Variants in SND1 observed in about 807,000 individuals in gnomAD.
The protein encoded by SND1 is staphylococcal nuclease domain-containing protein 1.
SND1 carries 38 observed loss-of-function variants against 121.7 expected under a neutral mutation model. The ratio of observed to expected loss-of-function variants is 0.31; its 90% CI spans 0.24 to 0.41. The LOEUF (loss-of-function observed/expected upper bound fraction) is 0.41, where lower values mean the gene tolerates loss of function less well. Among genes scored for constraint, SND1 ranks in the 10% least tolerant of loss-of-function variants. The pLI is 1.00. For missense variants in SND1, 868 were observed against 1,184.6 expected (o/e 0.73, Z 3.92); for synonymous variants, 401 against 447.4 (o/e 0.90, Z 1.31).
At chr7:127,668,706 G>A (rs190213382) in intron 1 of SND1, among the ~76,000 whole-genome samples, 2 of 152,276 alleles carry the variant, frequency 1.3e-5, no homozygotes, top group Admixed American at 1.3e-4. Context: ...CTAAGAGCAT[G>A]TACTGCACTC....
chr7:127,858,035 C>G (rs1330726814), intron 12 of SND1: 12 of 1,422,562 alleles, frequency 8.4e-6, no homozygotes, highest in Non-Finnish European at 1.1e-5. Context: ...CACATCACAT[C>G]CACCAGACCA....
chr7:127,961,464 C>T (rs1273902488), intron 15 of SND1, among the ~76,000 whole-genome samples: 1 of 152,140 alleles, frequency 6.6e-6, no homozygotes, highest in South Asian at 2.1e-4. Flanking sequence ...GATAGCACAA[C>T]AAATAAAATT....
intron 12 of SND1, among the ~76,000 whole-genome samples, chr7:127,848,839 A>G (rs1344825672): frequency 2.0e-5 from 3 of 152,156 alleles, no homozygotes; most frequent in Non-Finnish European, 4.4e-5. Flanking sequence ...GGTTTAGTCT[A>G]ATCCTTTTTT....
At chr7:127,683,464 G>A (rs376599186) in intron 1 of SND1, among the ~76,000 whole-genome samples, 2 of 152,134 alleles carry the variant, frequency 1.3e-5, no homozygotes, top group Non-Finnish European at 2.9e-5. Context: ...CAGCCCTCTC[G>A]CCTCGTCCTC....
intron 15 of SND1, among the ~76,000 whole-genome samples, chr7:127,935,777 T>C (rs1008644213): frequency 6.6e-6 from 1 of 152,220 alleles, no homozygotes; most frequent in Non-Finnish European, 1.5e-5. Context: ...AGTGTGGCAT[T>C]CTGCTGGAAA....
At chr7:127,796,168 G>A (rs1798021843) in intron 10 of SND1, among the ~76,000 whole-genome samples, 1 of 151,894 alleles carries the variant, frequency 6.6e-6, no homozygotes, top group Non-Finnish European at 1.5e-5. Flanking sequence ...ATCTAGTATA[G>A]TATAAAATCA....
At chr7:127,980,121 T>A (rs1185370824) in intron 15 of SND1, among the ~76,000 whole-genome samples, 18 of 15,658 alleles carry the variant, frequency 1.1e-3, no homozygotes, top group African/African-American at 5.4e-3. Flanking sequence ...TTTTTTTTTT[T>A]TTTTTTTTTG....
intron 16 of SND1, chr7:128,030,091 G>A (rs1270573423): frequency 6.2e-7 from 1 of 1,613,836 alleles, no homozygotes; most frequent in Non-Finnish European, 8.5e-7. Flanking sequence ...ATATACTCCA[G>A]CTTCTTGAGC....
At chr7:128,004,178 G>A (rs1422416971) in intron 16 of SND1, among the ~76,000 whole-genome samples, 2 of 152,048 alleles carry the variant, frequency 1.3e-5, no homozygotes, top group African/African-American at 4.8e-5. Flanking sequence ...ATTAAGCAAG[G>A]GTGCCAGGAG....
chr7:127,992,035 T>C (rs2116918213), intron 16 of SND1, among the ~76,000 whole-genome samples: 1 of 152,264 alleles, frequency 6.6e-6, no homozygotes, highest in South Asian at 2.1e-4. Flanking sequence ...CCTTCTTATT[T>C]TGTAGAAGAA....
At chr7:128,017,375 A>AG (rs2116957726) in intron 16 of SND1, among the ~76,000 whole-genome samples, 1 of 152,310 alleles carries the variant, frequency 6.6e-6, no homozygotes, top group East Asian at 1.9e-4. Context: ...CCAGGACATG[A>AG]GGGGGCTACG....
chr7:128,047,159 A>G (rs778272533), intron 16 of SND1, among the ~76,000 whole-genome samples: 3 of 152,232 alleles, frequency 2.0e-5, no homozygotes, highest in Non-Finnish European at 2.9e-5. Flanking sequence ...CCATGGCACA[A>G]AAAATGACTT....
intron 1 of SND1, among the ~76,000 whole-genome samples, chr7:127,664,129 C>A (rs1319462085): frequency 2.0e-5 from 3 of 152,184 alleles, no homozygotes; most frequent in Non-Finnish European, 4.4e-5. Flanking sequence ...AGGCTTAAGA[C>A]ATCCTCTGGC....
intron 11 of SND1, among the ~76,000 whole-genome samples, chr7:127,841,060 C>A (rs1010220548): frequency 2.0e-5 from 3 of 152,198 alleles, no homozygotes; most frequent in Admixed American, 1.3e-4. Flanking sequence ...CTGAGAGATA[C>A]ACAGGTGTTC....
intron 1 of SND1, among the ~76,000 whole-genome samples, chr7:127,670,400 G>T (rs1244167128): frequency 6.6e-6 from 1 of 152,130 alleles, no homozygotes; most frequent in African/African-American, 2.4e-5. Flanking sequence ...TTACAGATGT[G>T]AGCCACTGCT....
chr7:127,721,836 G>GT (rs1335642172), intron 10 of SND1, among the ~76,000 whole-genome samples: 2 of 152,276 alleles, frequency 1.3e-5, no homozygotes, highest in East Asian at 3.9e-4. Flanking sequence ...ATGAATCTTG[G>GT]TATATGTATT....
intron 12 of SND1, among the ~76,000 whole-genome samples, chr7:127,885,513 T>G (rs1490058587): frequency 6.6e-6 from 1 of 152,096 alleles, no homozygotes; most frequent in Non-Finnish European, 1.5e-5. Flanking sequence ...TTTGGGAATC[T>G]AAGGCCTCAG....
At chr7:127,891,871 G>A (rs1052819310) in intron 13 of SND1, among the ~76,000 whole-genome samples, 4 of 152,124 alleles carry the variant, frequency 2.6e-5, no homozygotes, top group Admixed American at 1.3e-4. Flanking sequence ...TTAAGGTACT[G>A]TATTTAATGC....
At chr7:127,994,536 G>T (rs1001409590) in intron 16 of SND1, among the ~76,000 whole-genome samples, 1 of 89,018 alleles carries the variant, frequency 1.1e-5, no homozygotes, top group Non-Finnish European at 2.0e-5. Flanking sequence ...CTCAAATGAC[G>T]ATCACTTTTA....
Sources: allele counts gnomAD v4.1 joint callset (sites outside exome capture counted in the v4.1 genomes callset), GRCh38; gene constraint gnomAD v4.1.1; transcripts MANE v1.5; gene names NCBI Gene and HGNC (gene_info 2026-07-23, HGNC 2026-07-21).